Variants in IFFO2 observed in about 807,000 individuals in gnomAD.
The protein encoded by IFFO2 is intermediate filament family orphan 2.
In IFFO2, 19 loss-of-function variants were observed where a neutral mutation model predicts 53.5. That is an observed-to-expected ratio of 0.36 (90% CI 0.25 to 0.52). The LOEUF (loss-of-function observed/expected upper bound fraction) is 0.52. Among genes scored for constraint, IFFO2 ranks in the 20% least tolerant of loss-of-function variants. The pLI is 0.94. For synonymous variants in IFFO2, 303 were observed against 313.6 expected, an observed-to-expected ratio of 0.97 and a Z score of 0.36; for missense variants, 570 against 727.4, an observed-to-expected ratio of 0.78 and a Z score of 2.49.
Position 18,919,018 on chromosome 1 carries a change from G to A in IFFO2, c.823-516C>T, listed in dbSNP as rs1383232960. 3.9e-5 allele frequency among the ~76,000 whole-genome samples: 6 copies of A among 152,074 alleles called. No homozygotes were observed. The highest frequency in any genetic ancestry group is 7.4e-5 in the Non-Finnish European group (5 of 68,008). On this transcript the variant is annotated intron_variant, in intron 3 of 8. Coordinates refer to ENST00000455833, the MANE Select transcript of IFFO2 (RefSeq NM_001136265.2). This position sits in a 1 kb window ranked among gnomAD's most constrained non-coding sequence, Gnocchi z 4.9. ...GGGAGGCTTCTACCAACCACACCCA[G>A]CTTCACGTCCCTCCACACCAGGAGC...
At chr1:18,910,278 G>A in intron 8 of IFFO2, 64 bp downstream of exon 8, 1 of 1,542,102 alleles carries the variant, frequency 6.5e-7, no homozygotes, top group Middle Eastern at 2.2e-4. Flanking sequence ...TGGCCGAGTT[G>A]CAGCCTTGGG....
At position 18,956,102 on chromosome 1, in the gene IFFO2, G is replaced by T. The variant is rs1378570649; in HGVS notation, c.231C>A (p.Arg77=). ...FLAKVHELER[R]NRLLEKQLEQ... ...CCAGCTGCTTCTCCAGCAGCCGGTT[G>T]CGCCGCTCCAGCTCGTGCACCTTAG... The change falls in exon 1 of 9, where the codon CGC becomes CGA. Residue 77 remains arginine, a synonymous_variant. Transcript: ENST00000455833. This position sits in a 1 kb window ranked among gnomAD's most constrained non-coding sequence, Gnocchi z 6.4. 3.3e-6 allele frequency: 5 copies of T among 1,504,164 alleles called. No homozygotes were observed. The highest frequency in any genetic ancestry group is 3.5e-4 in the Middle Eastern group (2 of 5,750). 93.2% of individuals were successfully genotyped at this position (1,504,164 alleles called of 1,614,324 possible). A position where few individuals can be genotyped will look rare whatever the true frequency, so the allele number is the denominator to read the frequency against.
intron 1 of IFFO2, among the ~76,000 whole-genome samples, chr1:18,932,129 C>T (rs1201041110): frequency 2.6e-5 from 4 of 152,168 alleles, no homozygotes; most frequent in African/African-American, 7.2e-5. Context: ...CACACGCTCC[C>T]GGGCAAGTGA....
intron 1 of IFFO2, among the ~76,000 whole-genome samples, chr1:18,921,945 A>G (rs1385710370): frequency 6.6e-6 from 1 of 152,086 alleles, no homozygotes; most frequent in East Asian, 1.9e-4. Flanking sequence ...GGACTGGATG[A>G]TATTACCAAT....
At chr1:18,946,847 T>A (rs2148189778) in intron 1 of IFFO2, among the ~76,000 whole-genome samples, 1 of 152,350 alleles carries the variant, frequency 6.6e-6, no homozygotes, top group South Asian at 2.1e-4. Context: ...ATGAATTAAA[T>A]GTTTGCAAAC....
chr1:18,950,020 C>T (rs1288648839), intron 1 of IFFO2, among the ~76,000 whole-genome samples: 1 of 152,224 alleles, frequency 6.6e-6, no homozygotes, highest in Non-Finnish European at 1.5e-5. Context: ...AGTGAGAATG[C>T]CAACCCAGCC....
intron 8 of IFFO2, among the ~76,000 whole-genome samples, chr1:18,909,654 G>A (rs887977974): frequency 1.3e-5 from 2 of 152,132 alleles, no homozygotes; most frequent in African/African-American, 2.4e-5. Context: ...CTCCCCTGCC[G>A]CCCTGTGAAG....
rs1460159247 is a variant in IFFO2 at position 18,928,290 on chromosome 1, G to A, written c.666-7169C>T. 6.6e-6 allele frequency among the ~76,000 whole-genome samples: 1 copy of A among 152,222 alleles called. No homozygotes were observed. Among genetic ancestry groups the A allele is most frequent in the African/African-American group, 2.4e-5 (1 of 41,524 alleles). Reference sequence around the variant, plus strand: ...CCCAAGGAAAGGCTGTCTCGCAGACGTGCCCATCAGAGCCCGGCTGCCCAG... The same window carrying A: ...CCCAAGGAAAGGCTGTCTCGCAGACATGCCCATCAGAGCCCGGCTGCCCAG... On this transcript the variant is annotated intron_variant, in intron 1 of 8. Transcript: ENST00000455833. The surrounding 1 kb of genome is among the most constrained non-coding windows in gnomAD (Gnocchi z 4.9).
At chr1:18,931,852 C>T (rs576945805) in intron 1 of IFFO2, among the ~76,000 whole-genome samples, 133 of 152,338 alleles carry the variant, frequency 8.7e-4, no homozygotes, top group African/African-American at 3.1e-3. Context: ...ACCCCCAGCA[C>T]ATCACTTAGA....
At chr1:18,921,263 C>T in intron 1 of IFFO2, 142 bp from the exon 2 acceptor site, 1 of 716,858 alleles carries the variant, frequency 1.4e-6, no homozygotes, top group Non-Finnish European at 2.5e-6. Context: ...CCTGCCTGCC[C>T]TCTGGGAGCT....
intron 1 of IFFO2, among the ~76,000 whole-genome samples, chr1:18,941,127 C>A (rs1234432604): frequency 6.6e-6 from 1 of 152,248 alleles, no homozygotes; most frequent in Non-Finnish European, 1.5e-5. Flanking sequence ...AATGGACATA[C>A]CCACAGCCAC....
chr1:18,921,734 C>T (rs1319756374), intron 1 of IFFO2, among the ~76,000 whole-genome samples: 1 of 152,136 alleles, frequency 6.6e-6, no homozygotes, highest in Non-Finnish European at 1.5e-5. Flanking sequence ...TACATTGAAA[C>T]AAAACTCAAT....
chr1:18,924,315 G>A (rs1312437312), intron 1 of IFFO2, among the ~76,000 whole-genome samples: 1 of 150,528 alleles, frequency 6.6e-6, no homozygotes, highest in East Asian at 2.0e-4. Flanking sequence ...GAGAACTGGT[G>A]AACCAAGTTG....
intron 1 of IFFO2, among the ~76,000 whole-genome samples, chr1:18,924,292 A>G (rs1936252951): frequency 7.0e-6 from 1 of 141,870 alleles, no homozygotes; most frequent in East Asian, 2.5e-4. Flanking sequence ...GCCAGGGAGC[A>G]CTCAGCTTAA....
In IFFO2 at chr1:18,905,780, CTGTT is replaced by C. The variant is rs1935938843; in HGVS notation, c.*2777_*2780del. 1 of 152,174 alleles carries C rather than the reference CTGTT, an allele frequency of 6.6e-6. No homozygotes were observed. Among genetic ancestry groups the C allele is most frequent in the African/African-American group, 2.4e-5 (1 of 41,398 alleles). 9.4% of individuals were successfully genotyped at this position (152,174 alleles called of 1,614,324 possible). A position where few individuals can be genotyped will look rare whatever the true frequency, so the allele number is the denominator to read the frequency against. On this transcript the variant is annotated 3_prime_UTR_variant, in exon 9 of 9. Transcript: ENST00000455833. ...AGTCTTCCTATCCCTCCCCAATCCT[CTGTT>C]TGTATAAAACCCCCAAAAACAGGAG...
rs565271563 is a variant in IFFO2 at position 18,924,551 on chromosome 1, C to A, written c.666-3430G>T. On this transcript the variant is annotated intron_variant, in intron 1 of 8. Transcript: ENST00000455833. The stretch of plus-strand genomic sequence containing the variant: ...GACATCGTTTCCTTTCAGCCTGCAC[C>A]ATCCCCTCTCCCAGCCCCAGCCCAT... 5.9e-5 allele frequency among the ~76,000 whole-genome samples: 9 copies of A among 152,314 alleles called. No individual in the cohort carries two copies. In the South Asian group the frequency reaches 6.2e-4, roughly 11 times the overall value.
intron 5 of IFFO2, among the ~76,000 whole-genome samples, chr1:18,915,852 C>T (rs28678615): frequency 0.53 from 80,031 of 152,014 alleles, 23,252 homozygotes; most frequent in Middle Eastern, 0.64. Flanking sequence ...AGGCTAGGAA[C>T]GGTAGCTCAT....
rs529139899 is a variant in IFFO2 at position 18,934,903 on chromosome 1, G to A, written c.666-13782C>T. Among the ~76,000 whole-genome samples, 4 of 152,352 alleles carry A rather than the reference G, an allele frequency of 2.6e-5. No homozygotes were observed. In the South Asian group the frequency reaches 8.3e-4, roughly 32 times the overall value. On this transcript the variant is annotated intron_variant, in intron 1 of 8. Coordinates refer to ENST00000455833, the MANE Select transcript of IFFO2 (RefSeq NM_001136265.2). ...GAGTCCTTGCAATCTAAACAAGACTGTGAACACCTTTGTACCCTCACATTT... is the reference window on the plus strand; with the variant it reads ...GAGTCCTTGCAATCTAAACAAGACTATGAACACCTTTGTACCCTCACATTT...
At chr1:18,937,906 C>T (rs1490825561) in intron 1 of IFFO2, among the ~76,000 whole-genome samples, 2 of 152,266 alleles carry the variant, frequency 1.3e-5, no homozygotes, top group Non-Finnish European at 2.9e-5. Flanking sequence ...GCAAAAGAAC[C>T]GGCACCAGCA....
Sources: allele counts gnomAD v4.1 joint callset (sites outside exome capture counted in the v4.1 genomes callset), GRCh38; gene constraint gnomAD v4.1.1; non-coding constraint Gnocchi (gnomAD v3.1); transcripts MANE v1.5; gene names NCBI Gene and HGNC (gene_info 2026-07-23, HGNC 2026-07-21).